The following KLHL1 variants were observed in gnomAD, a reference collection of about 807,000 sequenced individuals.
KLHL1 encodes kelch-like protein 1.
KLHL1 carries 47 observed loss-of-function variants against 77.7 expected under a neutral mutation model. The observed-to-expected ratio is 0.60, with a 90% confidence interval of 0.48 to 0.77. The LOEUF is 0.77. Ranked by LOEUF, KLHL1 falls within the 30% of genes least tolerant of loss-of-function variation. KLHL1 has a pLI of 0.00. For missense variants in KLHL1, 925 were observed against 910.8 expected, an observed-to-expected ratio of 1.02 and a Z score of -0.20; for synonymous variants, 360 against 325.2, an observed-to-expected ratio of 1.11 and a Z score of -1.15.
At chr13:69,981,063 A>T (rs865947238) in intron 1 of KLHL1, among the ~76,000 whole-genome samples, 1 of 152,176 alleles carries the variant, frequency 6.6e-6, no homozygotes, top group South Asian at 2.1e-4. Context: ...TGGCACACAG[A>T]TTTAGTAAAT....
intron 3 of KLHL1, among the ~76,000 whole-genome samples, chr13:69,957,411 T>C (rs1269662920): frequency 6.6e-6 from 1 of 151,756 alleles, no homozygotes; most frequent in Non-Finnish European, 1.5e-5. Flanking sequence ...TCCTGACTTA[T>C]CAGGATTTGA....
intron 8 of KLHL1, among the ~76,000 whole-genome samples, chr13:69,732,652 T>C (rs1412698935): frequency 2.1e-5 from 3 of 140,300 alleles, no homozygotes; most frequent in Admixed American, 7.0e-5. Context: ...TGTTTGTTTG[T>C]TTGCTTTTTT....
At chr13:69,919,118 A>C (rs1223196096) in intron 4 of KLHL1, among the ~76,000 whole-genome samples, 1 of 152,022 alleles carries the variant, frequency 6.6e-6, no homozygotes, top group African/African-American at 2.4e-5. Flanking sequence ...TTGCCTGAGG[A>C]GCAGCAACAA....
intron 10 of KLHL1, among the ~76,000 whole-genome samples, chr13:69,705,035 T>C (rs1376547754): frequency 6.6e-6 from 1 of 151,752 alleles, no homozygotes; most frequent in Non-Finnish European, 1.5e-5. Flanking sequence ...CCAGAAACTA[T>C]ACTAGTCTTT....
chr13:69,983,142 G>A (rs897916217), intron 1 of KLHL1, among the ~76,000 whole-genome samples: 7 of 152,084 alleles, frequency 4.6e-5, no homozygotes, highest in Admixed American at 2.0e-4. Context: ...AGATAGTACA[G>A]AGGGTGCAAG....
At chr13:70,023,498 A>G (rs2119585) in intron 1 of KLHL1, among the ~76,000 whole-genome samples, 129,643 of 151,876 alleles carry the variant, frequency 0.85, 55,715 homozygotes, top group East Asian at 0.92. Flanking sequence ...ATTTAAGTTC[A>G]TACTCACATT....
chr13:69,855,341 T>C lies in KLHL1; in HGVS notation c.1228-16179A>G, dbSNP rs201551864. On this transcript the variant is annotated intron_variant, in intron 5 of 10. Coordinates refer to ENST00000377844, the MANE Select transcript of KLHL1 (RefSeq NM_020866.3). ...ATAGATAGATAGATAGATAGATAGATAGATAGACAGACAGATAGATACATA... is the reference window on the plus strand; with the variant it reads ...ATAGATAGATAGATAGATAGATAGACAGATAGACAGACAGATAGATACATA... Among the ~76,000 whole-genome samples, 74 of 60,070 alleles carry C rather than the reference T, an allele frequency of 1.2e-3. 2 individuals are homozygous for C. The highest frequency in any genetic ancestry group is 5.9e-3 in the African/African-American group (69 of 11,726). 39.4% of individuals were successfully genotyped at this position (60,070 alleles called of 152,430 possible).
At chr13:69,767,309 A>G (rs1459914105) in intron 7 of KLHL1, among the ~76,000 whole-genome samples, 2 of 152,232 alleles carry the variant, frequency 1.3e-5, no homozygotes, top group Non-Finnish European at 2.9e-5. Flanking sequence ...ATCATTAGGA[A>G]AAACCTAAGT....
intron 6 of KLHL1, among the ~76,000 whole-genome samples, chr13:69,804,218 CTG>C (rs2138051626): frequency 6.6e-6 from 1 of 152,042 alleles, no homozygotes; most frequent in East Asian, 1.9e-4. Context: ...AAATATAAAA[CTG>C]AGAAAAAATG....
chr13:69,816,461 A>G (rs916977631), intron 6 of KLHL1, among the ~76,000 whole-genome samples: 8 of 150,946 alleles, frequency 5.3e-5, no homozygotes, highest in African/African-American at 2.0e-4. Flanking sequence ...ACGGGGTTTC[A>G]CCATGTTGGC....
At chr13:69,974,120 G>T (rs1243307876) in intron 2 of KLHL1, among the ~76,000 whole-genome samples, 4 of 151,822 alleles carry the variant, frequency 2.6e-5, no homozygotes, top group Non-Finnish European at 5.9e-5. Flanking sequence ...ATGTACTTAA[G>T]TTTATCACTT....
chr13:69,888,599 G>A (rs1881305388), intron 4 of KLHL1, among the ~76,000 whole-genome samples: 1 of 152,056 alleles, frequency 6.6e-6, no homozygotes, highest in South Asian at 2.1e-4. Flanking sequence ...GGAATAACAA[G>A]GATTGTCAGT....
intron 3 of KLHL1, among the ~76,000 whole-genome samples, chr13:69,947,031 TGTGTG>T (rs1883551902): frequency 1.5e-3 from 1 of 654 alleles, no homozygotes; most frequent in Non-Finnish European, 3.1e-3. Context: ...GTGTGTGTTG[TGTGTG>T]TGTGTGTGTG....
chr13:69,940,418 A>G (rs898903959), intron 3 of KLHL1, among the ~76,000 whole-genome samples, 182 bp from the exon 4 acceptor site: 14 of 152,148 alleles, frequency 9.2e-5, no homozygotes, highest in African/African-American at 3.4e-4. Context: ...TTCGTATTTC[A>G]TGTAATATTC....
intron 1 of KLHL1, among the ~76,000 whole-genome samples, chr13:70,049,946 G>C (rs2137390551): frequency 6.6e-6 from 1 of 150,794 alleles, no homozygotes; most frequent in South Asian, 2.1e-4. Flanking sequence ...ATTAAACTAG[G>C]AGAAAAAAAT....
chr13:69,788,601 T>C (rs1469689137), intron 7 of KLHL1, among the ~76,000 whole-genome samples: 3 of 152,260 alleles, frequency 2.0e-5, no homozygotes, highest in Middle Eastern at 6.8e-3. Flanking sequence ...ACATGGCACA[T>C]GTATGCATAT....
chr13:69,773,917 T>C (rs1875701558), intron 7 of KLHL1, among the ~76,000 whole-genome samples: 1 of 151,486 alleles, frequency 6.6e-6, no homozygotes, highest in Admixed American at 6.6e-5. Flanking sequence ...AGTTTCAATC[T>C]AATATAATAA....
At chr13:69,822,455 T>C (rs1036826521) in intron 6 of KLHL1, among the ~76,000 whole-genome samples, 1 of 152,204 alleles carries the variant, frequency 6.6e-6, no homozygotes, top group Middle Eastern at 3.2e-3. Flanking sequence ...GAAAGTGACA[T>C]TGTCTATTAA....
intron 7 of KLHL1, among the ~76,000 whole-genome samples, chr13:69,761,913 A>G (rs1875041590): frequency 6.6e-6 from 1 of 152,150 alleles, no homozygotes; most frequent in South Asian, 2.1e-4. Context: ...TAAATTGCTA[A>G]GATGGTTTAT....
Sources: allele counts gnomAD v4.1 joint callset (sites outside exome capture counted in the v4.1 genomes callset), GRCh38; gene constraint gnomAD v4.1.1; transcripts MANE v1.5; gene names NCBI Gene and HGNC (gene_info 2026-07-23, HGNC 2026-07-21).